Variants in PANX1 observed in about 807,000 individuals in gnomAD.
The protein encoded by PANX1 is pannexin-1.
A neutral mutation model predicts 38.7 loss-of-function variants in PANX1; 30 were observed. That is an observed-to-expected ratio of 0.78 (90% confidence interval 0.58 to 1.05). The LOEUF is 1.05. Among genes scored for constraint, PANX1 ranks in the 50% least tolerant of loss-of-function variants. PANX1 has a pLI of 0.00. For synonymous variants in PANX1, 230 were observed against 212.2 expected (o/e 1.08, Z -0.73); for missense variants, 551 against 517.2 (o/e 1.07, Z -0.63).
At chr11:94,149,036 AG>A (rs1265531376) in intron 1 of PANX1, among the ~76,000 whole-genome samples, 1 of 152,170 alleles carries the variant, frequency 6.6e-6, no homozygotes, top group Admixed American at 6.5e-5. Context: ...CCTTTAAAAT[AG>A]GGGTGAAAGT....
chr11:94,142,035 T>C (rs1946767824), intron 1 of PANX1, among the ~76,000 whole-genome samples: 1 of 151,852 alleles, frequency 6.6e-6, no homozygotes, highest in African/African-American at 2.4e-5. Flanking sequence ...GGGGCTAGAG[T>C]GCATTGCTCT....
At chr11:94,139,963 T>C (rs1946742529) in intron 1 of PANX1, among the ~76,000 whole-genome samples, 1 of 152,110 alleles carries the variant, frequency 6.6e-6, no homozygotes, top group South Asian at 2.1e-4. Context: ...TAGGAAGGGG[T>C]TGTAGGAATC....
chr11:94,162,123 G>A (rs1266946173), intron 2 of PANX1, among the ~76,000 whole-genome samples: 2 of 152,180 alleles, frequency 1.3e-5, no homozygotes, highest in Admixed American at 6.5e-5. Flanking sequence ...GTGTCAGTCT[G>A]CCCCTACTGG....
At chr11:94,169,368 G>C (rs1947137923) in intron 2 of PANX1, among the ~76,000 whole-genome samples, 1 of 151,620 alleles carries the variant, frequency 6.6e-6, no homozygotes, top group Non-Finnish European at 1.5e-5. Flanking sequence ...GATAACCTGT[G>C]TCAGATGCTG....
At chr11:94,132,761 C>T (rs2134471315) in intron 1 of PANX1, among the ~76,000 whole-genome samples, 1 of 152,066 alleles carries the variant, frequency 6.6e-6, no homozygotes, top group East Asian at 1.9e-4. Flanking sequence ...AGTTACTTTC[C>T]AAAAATTAAA....
chr11:94,157,753 C>G (rs2134499838), intron 2 of PANX1, among the ~76,000 whole-genome samples: 1 of 152,228 alleles, frequency 6.6e-6, no homozygotes, highest in African/African-American at 2.4e-5. Flanking sequence ...TACTTAGATC[C>G]CATTTGTCAA....
intron 2 of PANX1, among the ~76,000 whole-genome samples, chr11:94,174,879 CTGT>C (rs1234015974): frequency 8.6e-5 from 13 of 151,752 alleles, no homozygotes; most frequent in Admixed American, 8.5e-4. Context: ...CTGGAGGTTT[CTGT>C]TGTTTTAACT....
intron 1 of PANX1, among the ~76,000 whole-genome samples, chr11:94,132,073 T>TA (rs971043168): frequency 2.0e-5 from 3 of 152,238 alleles, no homozygotes; most frequent in African/African-American, 7.2e-5. Flanking sequence ...CAGAGCTTTA[T>TA]AACCTGTCTA....
intron 2 of PANX1, among the ~76,000 whole-genome samples, chr11:94,170,766 G>A (rs1218398720): frequency 6.6e-6 from 1 of 151,682 alleles, no homozygotes; most frequent in African/African-American, 2.4e-5. Context: ...TTTCCCATGT[G>A]AGAAGGTCCA....
intron 1 of PANX1, among the ~76,000 whole-genome samples, chr11:94,131,284 C>T (rs1946626740): frequency 6.6e-6 from 1 of 152,190 alleles, no homozygotes; most frequent in African/African-American, 2.4e-5. Context: ...GGCACCTGTA[C>T]CTGTAATGCC....
rs1158289482 is a variant in PANX1 at position 94,143,747 on chromosome 11, C to CT, written c.182-9731dup. Among the ~76,000 whole-genome samples, 1,304 of 145,660 alleles carry CT rather than the reference C, an allele frequency of 9.0e-3. 12 individuals are homozygous for CT. Among genetic ancestry groups the CT allele is most frequent in the African/African-American group, 0.026 (1,031 of 40,086 alleles). ...TAAGCTAAAAGTCCCTCCTCCATAT[C>CT]TTTTTTTTTTTTTCTTTTTGAGACA... On this transcript the variant is annotated intron_variant, in intron 1 of 4. Transcript: ENST00000227638.
At chr11:94,178,679 T>G in intron 3 of PANX1, 87 bp downstream of exon 3, 2 of 1,018,522 alleles carry the variant, frequency 2.0e-6, no homozygotes, top group South Asian at 1.4e-5. Flanking sequence ...AGAGTTCTCA[T>G]TGCTAGGAGG....
At chr11:94,137,780 A>C (rs1452880557) in intron 1 of PANX1, among the ~76,000 whole-genome samples, 5 of 142,544 alleles carry the variant, frequency 3.5e-5, no homozygotes, top group Admixed American at 2.2e-4. Context: ...TATCATTATA[A>C]AGATAAAACT....
chr11:94,153,359 T>C (rs1946907919), intron 1 of PANX1, 132 bp from the exon 2 acceptor site: 1 of 867,128 alleles, frequency 1.2e-6, no homozygotes, highest in Non-Finnish European at 1.8e-6. Context: ...TGTTTGTTTT[T>C]AGTTCTGTCC....
At chr11:94,149,267 C>T (rs75267585) in intron 1 of PANX1, among the ~76,000 whole-genome samples, 1,835 of 152,300 alleles carry the variant, frequency 0.012, 46 homozygotes, top group African/African-American at 0.043. Flanking sequence ...TTGCTCACCC[C>T]AGCCCCAGTC....
intron 1 of PANX1, among the ~76,000 whole-genome samples, chr11:94,143,750 T>C: frequency 6.6e-6 from 1 of 151,886 alleles, no homozygotes; most frequent in East Asian, 1.9e-4. Flanking sequence ...TCCATATCTT[T>C]TTTTTTTTTT....
intron 1 of PANX1, among the ~76,000 whole-genome samples, chr11:94,133,757 G>T (rs1393233321): frequency 6.6e-6 from 1 of 152,184 alleles, no homozygotes; most frequent in African/African-American, 2.4e-5. Context: ...GCCAGAGAAG[G>T]GAGAATCAGT....
chr11:94,178,731 A>G, intron 3 of PANX1, 139 bp downstream of exon 3: 1 of 653,212 alleles, frequency 1.5e-6, no homozygotes, highest in Non-Finnish European at 2.7e-6. Flanking sequence ...GCACCTAGTG[A>G]CAGCCTGTAG....
rs772158311 is a variant in PANX1 at position 94,129,285 on chromosome 11, T to A, written c.-28T>A. On this transcript the variant is annotated 5_prime_UTR_variant, in exon 1 of 5. Coordinates refer to ENST00000227638, the MANE Select transcript of PANX1 (RefSeq NM_015368.4). ...TCCCGACGCCGGCTGTACCCGGACCTCCTGGTCGAGCCTGGCGCGCCGCAG... is the reference window on the plus strand; with the variant it reads ...TCCCGACGCCGGCTGTACCCGGACCACCTGGTCGAGCCTGGCGCGCCGCAG... The A allele has an allele frequency of 6.3e-7, 1 of 1,586,806 alleles. No homozygotes were observed. Among genetic ancestry groups the A allele is most frequent in the Admixed American group, 1.7e-5 (1 of 58,996 alleles).
Sources: allele counts gnomAD v4.1 joint callset (sites outside exome capture counted in the v4.1 genomes callset), GRCh38; gene constraint gnomAD v4.1.1; transcripts MANE v1.5; gene names NCBI Gene and HGNC (gene_info 2026-07-23, HGNC 2026-07-21).